The following FNBP1L variants were observed in gnomAD, a reference collection of about 807,000 sequenced individuals.
FNBP1L encodes formin binding protein 1 like, also known as formin-binding protein 1-like.
A neutral mutation model predicts 91.2 loss-of-function variants in FNBP1L; 36 were observed. The ratio of observed to expected loss-of-function variants is 0.39; its 90% CI spans 0.30 to 0.52. FNBP1L has a LOEUF of 0.52. FNBP1L is among the 20% of genes least tolerant of loss of function. The pLI is 0.66. For synonymous variants in FNBP1L, 242 were observed against 237.0 expected (o/e 1.02, Z -0.19); for missense variants, 571 against 732.1 (o/e 0.78, Z 2.54).
chr1:93,498,549 G>A (rs767174939), intron 1 of FNBP1L, among the ~76,000 whole-genome samples: 6 of 152,174 alleles, frequency 3.9e-5, no homozygotes, highest in Non-Finnish European at 8.8e-5. Flanking sequence ...TGTAAATAAC[G>A]TGACTAAACC....
intron 2 of FNBP1L, among the ~76,000 whole-genome samples, chr1:93,506,172 T>G (rs1670605115): frequency 6.6e-6 from 1 of 152,362 alleles, no homozygotes; most frequent in Non-Finnish European, 1.5e-5. Flanking sequence ...GTCATACTGC[T>G]AGAAGGCTTG....
chr1:93,507,097 ACACACACACACTCTCTCTCTCTCTCTCT>A (rs1670653614), intron 2 of FNBP1L, among the ~76,000 whole-genome samples: 15 of 84,104 alleles, frequency 1.8e-4, no homozygotes, highest in Non-Finnish European at 2.5e-4. Context: ...ACACACACAC[ACACACACACACTCTCTCTCTCTCTCTCT>A]CTCTCTCTCT....
chr1:93,473,562 T>G (rs1204306693), intron 1 of FNBP1L, among the ~76,000 whole-genome samples: 1 of 152,196 alleles, frequency 6.6e-6, no homozygotes, highest in Admixed American at 6.5e-5. Context: ...ATTTATAAAA[T>G]ACTTTATAGA....
chr1:93,508,985 A>G (rs1484611445), intron 2 of FNBP1L, among the ~76,000 whole-genome samples: 1 of 152,170 alleles, frequency 6.6e-6, no homozygotes, highest in Admixed American at 6.5e-5. Context: ...GCAGAAAGAG[A>G]GCATGCCTTC....
chr1:93,547,472 C>T, intron 14 of FNBP1L, 31 bp downstream of exon 14: 2 of 1,516,880 alleles, frequency 1.3e-6, no homozygotes, highest in Non-Finnish European at 1.8e-6. Flanking sequence ...TGTATTTCTT[C>T]TCCCCAGAGT....
intron 1 of FNBP1L, among the ~76,000 whole-genome samples, chr1:93,489,858 A>G (rs1169267202): frequency 6.6e-6 from 1 of 152,190 alleles, no homozygotes; most frequent in East Asian, 1.9e-4. Context: ...TGCAGTCCAT[A>G]AGAGTTAAAG....
At chr1:93,492,636 C>G (rs1418112597) in intron 1 of FNBP1L, among the ~76,000 whole-genome samples, 1 of 151,898 alleles carries the variant, frequency 6.6e-6, no homozygotes, top group Non-Finnish European at 1.5e-5. Flanking sequence ...TTGCTTGAGA[C>G]TGGGAGTTTG....
At chr1:93,475,638 T>C (rs962430161) in intron 1 of FNBP1L, among the ~76,000 whole-genome samples, 5 of 152,212 alleles carry the variant, frequency 3.3e-5, no homozygotes, top group African/African-American at 1.2e-4. Flanking sequence ...TCATCACATT[T>C]CATGAAATAT....
intron 1 of FNBP1L, among the ~76,000 whole-genome samples, chr1:93,489,694 A>G (rs1442315540): frequency 6.6e-6 from 1 of 152,188 alleles, no homozygotes; most frequent in Non-Finnish European, 1.5e-5. Context: ...GTTTTCCCCT[A>G]TCTTTAAAAA....
At chr1:93,470,383 C>T (rs939385768) in intron 1 of FNBP1L, among the ~76,000 whole-genome samples, 11 of 152,300 alleles carry the variant, frequency 7.2e-5, no homozygotes, top group Non-Finnish European at 1.5e-4. Flanking sequence ...CTGCCTTGGC[C>T]TCCTAAAGTG....
At chr1:93,548,352 T>G (rs1672306612) in intron 14 of FNBP1L, among the ~76,000 whole-genome samples, 1 of 152,220 alleles carries the variant, frequency 6.6e-6, no homozygotes, top group Non-Finnish European at 1.5e-5. Context: ...ATTCAGTCAT[T>G]TGATTCTTCA....
chr1:93,448,177 C>G lies in FNBP1L; in HGVS notation c.-105C>G. On this transcript the variant is annotated 5_prime_UTR_variant, in exon 1 of 17. Coordinates refer to ENST00000271234, the MANE Select transcript of FNBP1L (RefSeq NM_001164473.3). The stretch of plus-strand genomic sequence containing the variant: ...GGTGGCGGCACCTTTCGAGGTAGAC[C>G]CGCTGAGCTGCTAGCCCGCCGGCCA... 7.0e-7 allele frequency: 1 copy of G among 1,433,632 alleles called. No homozygotes were observed. The highest frequency in any genetic ancestry group is 9.4e-7 in the Non-Finnish European group (1 of 1,061,874). 88.8% of individuals were successfully genotyped at this position (1,433,632 alleles called of 1,614,324 possible).
At chr1:93,546,276 A>G (rs948907643) in intron 12 of FNBP1L, among the ~76,000 whole-genome samples, 2 of 152,132 alleles carry the variant, frequency 1.3e-5, no homozygotes, top group Admixed American at 6.6e-5. Context: ...GTGTTAGTCA[A>G]TAGTGTCAGA....
chr1:93,550,895 TA>T lies in FNBP1L; in HGVS notation c.1652-44del, dbSNP rs3831984. ...ATTTTGTGCATTGTATTAGTAACTT[TA>T]AAAAAAATTATCACAATGCTTAAAT... On this transcript the variant is annotated intron_variant, in intron 15 of 16. Transcript: ENST00000271234. 4,672 of 1,447,486 alleles carry T rather than the reference TA, an allele frequency of 3.2e-3. 148 individuals are homozygous for T. The East Asian group carries it at 0.079, about 24-fold the overall frequency. The allele number at this position is 1,447,486 out of a possible 1,614,324, so 89.7% of individuals were successfully genotyped here. A position where few individuals can be genotyped will look rare whatever the true frequency, so the allele number is the denominator to read the frequency against.
At chr1:93,513,409 A>G (rs1300160041) in intron 2 of FNBP1L, among the ~76,000 whole-genome samples, 2 of 152,002 alleles carry the variant, frequency 1.3e-5, no homozygotes, top group Admixed American at 6.6e-5. Context: ...ATCCTCCCTA[A>G]CTCATTTTAT....
At chr1:93,545,411 A>C (rs1050589073) in intron 12 of FNBP1L, among the ~76,000 whole-genome samples, 1 of 152,158 alleles carries the variant, frequency 6.6e-6, no homozygotes, top group Non-Finnish European at 1.5e-5. Flanking sequence ...TCCATGTCCA[A>C]AACAAGAGTA....
intron 4 of FNBP1L, among the ~76,000 whole-genome samples, chr1:93,523,948 A>G (rs765371333): frequency 6.6e-6 from 1 of 152,180 alleles, no homozygotes; most frequent in African/African-American, 2.4e-5. Flanking sequence ...AAAGCCTGCA[A>G]TATTTATCTG....
intron 1 of FNBP1L, among the ~76,000 whole-genome samples, chr1:93,485,213 A>G (rs1669858950): frequency 6.6e-6 from 1 of 152,080 alleles, no homozygotes; most frequent in African/African-American, 2.4e-5. Context: ...AGAACTGTGA[A>G]ATAAGATAGC....
chr1:93,470,901 G>T (rs1389885826), intron 1 of FNBP1L, among the ~76,000 whole-genome samples: 3 of 151,190 alleles, frequency 2.0e-5, no homozygotes, highest in African/African-American at 7.3e-5. Flanking sequence ...TCCAGGAAAT[G>T]TGGGGTCTTA....
Sources: gnomAD v4.1 joint callset for allele counts (sites outside exome capture counted in the v4.1 genomes callset) on GRCh38, gnomAD v4.1.1 for gene constraint, MANE v1.5 for transcripts, NCBI Gene and HGNC (gene_info 2026-07-23, HGNC 2026-07-21) for gene names.